THSD4: variants seen among roughly 807,000 people sequenced by gnomAD.
THSD4 encodes the protein thrombospondin type-1 domain-containing protein 4.
A neutral mutation model predicts 119.0 loss-of-function variants in THSD4; 69 were observed. That is an observed-to-expected ratio of 0.58 (90% CI 0.48 to 0.71). The LOEUF is 0.71. THSD4 is among the 30% of genes least tolerant of loss of function. The pLI is 0.00. For missense variants in THSD4, 1,393 were observed against 1,391.1 expected, an observed-to-expected ratio of 1.00 and a Z score of -0.02; for synonymous variants, 524 against 540.4, an observed-to-expected ratio of 0.97 and a Z score of 0.42.
intron 7 of THSD4, among the ~76,000 whole-genome samples, chr15:71,610,312 C>G (rs1357352256): frequency 6.6e-6 from 1 of 152,212 alleles, no homozygotes; most frequent in Non-Finnish European, 1.5e-5. Flanking sequence ...ATCTTCATCT[C>G]TCCCCTTGGT....
At chr15:71,408,024 G>GA (rs2046631238) in intron 6 of THSD4, among the ~76,000 whole-genome samples, 1 of 152,132 alleles carries the variant, frequency 6.6e-6, no homozygotes, top group Admixed American at 6.5e-5. Context: ...AAGAAGGAGA[G>GA]AAACAGAAGT....
intron 6 of THSD4, among the ~76,000 whole-genome samples, chr15:71,273,531 G>C (rs2044557200): frequency 6.6e-6 from 1 of 152,130 alleles, no homozygotes; most frequent in South Asian, 2.1e-4. Context: ...TGCTAAAAGA[G>C]TAGATTCTAA....
At chr15:71,724,110 G>A (rs977182179) in intron 8 of THSD4, among the ~76,000 whole-genome samples, 18 of 149,094 alleles carry the variant, frequency 1.2e-4, no homozygotes, top group Admixed American at 6.1e-4. Context: ...TTGGAGTTGA[G>A]GGAGGAGCAT....
intron 11 of THSD4, among the ~76,000 whole-genome samples, chr15:71,744,847 C>A (rs2053303860): frequency 6.6e-6 from 1 of 152,198 alleles, no homozygotes; most frequent in Admixed American, 6.5e-5. Flanking sequence ...CATATTTAGA[C>A]CGTGTCCACA....
At chr15:71,369,170 G>A (rs970739312) in intron 6 of THSD4, among the ~76,000 whole-genome samples, 5 of 152,226 alleles carry the variant, frequency 3.3e-5, no homozygotes, top group Admixed American at 1.3e-4. Context: ...ATCAGCTTAA[G>A]GAGATTTTGG....
At chr15:71,512,055 T>C (rs1171804853) in intron 7 of THSD4, among the ~76,000 whole-genome samples, 2 of 152,222 alleles carry the variant, frequency 1.3e-5, no homozygotes, top group Non-Finnish European at 2.9e-5. Flanking sequence ...GAGACCTTTC[T>C]CTGGCTTCTC....
chr15:71,748,608 C>G lies in THSD4; in HGVS notation c.2415+14C>G, dbSNP rs370826249. The G allele has an allele frequency of 1.2e-6, 2 of 1,613,330 alleles. No individual in the cohort carries two copies. The highest frequency in any genetic ancestry group is 2.2e-5 in the South Asian group (2 of 91,008). On this transcript the variant is annotated intron_variant, in intron 14 of 17. Coordinates refer to ENST00000261862, the MANE Select transcript of THSD4 (RefSeq NM_024817.3). The stretch of plus-strand genomic sequence containing the variant: ...TGGAGCGAAAGGGTGAGTGTGATGG[C>G]GGGCAGAGCGCCGGGGACCGAGGTC...
Position 71,777,494 on chromosome 15 carries a change from GT to G in THSD4, c.*121del. The G allele has an allele frequency of 7.2e-7, 1 of 1,383,142 alleles. No individual in the cohort carries two copies. The allele number at this position is 1,383,142 out of a possible 1,614,324, so 85.7% of individuals were successfully genotyped here. On this transcript the variant is annotated 3_prime_UTR_variant, in exon 18 of 18. Coordinates refer to ENST00000261862, the MANE Select transcript of THSD4 (RefSeq NM_024817.3). ...GGCCCAGGCGCTGCCAACCAACTTAGTCACCACCCCTGCCTCCGGTGAATGC... is the reference window on the plus strand; with the variant it reads ...GGCCCAGGCGCTGCCAACCAACTTAGCACCACCCCTGCCTCCGGTGAATGC...
chr15:71,635,014 A>G (rs952191719), intron 7 of THSD4, among the ~76,000 whole-genome samples: 1 of 152,228 alleles, frequency 6.6e-6, no homozygotes, highest in South Asian at 2.1e-4. Context: ...AGACCGTCAG[A>G]TATTTCCTGC....
chr15:71,472,629 AT>A (rs1483390609), intron 7 of THSD4, among the ~76,000 whole-genome samples: 11 of 152,160 alleles, frequency 7.2e-5, no homozygotes, highest in Non-Finnish European at 1.6e-4. Flanking sequence ...CTCCTGAGGA[AT>A]TTTTCTTCAT....
intron 7 of THSD4, among the ~76,000 whole-genome samples, chr15:71,471,043 G>T (rs1007810072): frequency 2.0e-5 from 3 of 152,212 alleles, no homozygotes; most frequent in African/African-American, 7.2e-5. Flanking sequence ...TGTCTGCTAA[G>T]CAGAGACAAA....
At chr15:71,172,923 A>G (rs2043396104) in intron 3 of THSD4, among the ~76,000 whole-genome samples, 1 of 151,648 alleles carries the variant, frequency 6.6e-6, no homozygotes, top group Non-Finnish European at 1.5e-5. Flanking sequence ...CATATAAGAA[A>G]AACCTACGGT....
intron 7 of THSD4, among the ~76,000 whole-genome samples, chr15:71,524,456 A>T (rs893704298): frequency 2.0e-5 from 3 of 152,182 alleles, no homozygotes; most frequent in Non-Finnish European, 4.4e-5. Flanking sequence ...GCTGACTCTC[A>T]TGCTGCCTTG....
chr15:71,772,772 G>A (rs1249359655), intron 17 of THSD4, among the ~76,000 whole-genome samples: 4 of 152,188 alleles, frequency 2.6e-5, no homozygotes, highest in Admixed American at 2.6e-4. Context: ...GTTTGATAAA[G>A]GGGGAATGAT....
chr15:71,547,001 C>T (rs2048846657), intron 7 of THSD4, among the ~76,000 whole-genome samples: 1 of 152,242 alleles, frequency 6.6e-6, no homozygotes, highest in African/African-American at 2.4e-5. Flanking sequence ...CTGCAATTCA[C>T]TGCCTCCTCC....
chr15:71,737,650 T>A, intron 10 of THSD4, 82 bp from the exon 11 acceptor site: 1 of 1,481,916 alleles, frequency 6.7e-7, no homozygotes, highest in South Asian at 1.4e-5. Context: ...CTACACAGTC[T>A]CTAATGTCGA....
chr15:71,553,806 A>G (rs72737253), intron 7 of THSD4, among the ~76,000 whole-genome samples: 21,436 of 152,166 alleles, frequency 0.14, 1,935 homozygotes, highest in Middle Eastern at 0.22. Context: ...CCATTAATCT[A>G]CTTACATAGT....
chr15:71,676,863 C>A (rs2141023211), intron 8 of THSD4, among the ~76,000 whole-genome samples: 1 of 152,274 alleles, frequency 6.6e-6, no homozygotes, highest in African/African-American at 2.4e-5. Context: ...TGATGGGCAC[C>A]TGGGCTGTTT....
chr15:71,192,652 C>T (rs749536736), intron 3 of THSD4, among the ~76,000 whole-genome samples: 12 of 152,096 alleles, frequency 7.9e-5, no homozygotes, highest in African/African-American at 1.9e-4. Flanking sequence ...TTCTCCTAGA[C>T]GGGTTATAAA....
Sources: allele counts gnomAD v4.1 joint callset (sites outside exome capture counted in the v4.1 genomes callset), GRCh38; gene constraint gnomAD v4.1.1; transcripts MANE v1.5; gene names NCBI Gene and HGNC (gene_info 2026-07-23, HGNC 2026-07-21).